The following PLA2G10 variants were observed in gnomAD, a reference collection of about 807,000 sequenced individuals.
The protein encoded by PLA2G10 is phospholipase A2 group X, also known as group 10 secretory phospholipase A2.
In PLA2G10, 9 loss-of-function variants were observed where a neutral mutation model predicts 7.9. The ratio of observed to expected loss-of-function variants is 1.14; its 90% CI spans 0.68 to 1.98. The LOEUF (loss-of-function observed/expected upper bound fraction) is 1.98. Among genes scored for constraint, PLA2G10 ranks in the 30% most tolerant of loss-of-function variants. PLA2G10 has a pLI of 0.00. For synonymous variants in PLA2G10, 19 were observed against 27.5 expected (o/e 0.69, Z 0.97); for missense variants, 53 against 65.4 (o/e 0.81, Z 0.66).
chr16:14,682,067 A>C (rs1463843168), intron 3 of PLA2G10, among the ~76,000 whole-genome samples: 1 of 151,984 alleles, frequency 6.6e-6, no homozygotes, highest in Non-Finnish European at 1.5e-5. Flanking sequence ...TCCTGGGCTC[A>C]AGCTATCCTC....
intron 3 of PLA2G10, chr16:14,678,788 A>C (rs2151850487): frequency 2.7e-6 from 1 of 374,856 alleles, no homozygotes; most frequent in South Asian, 2.1e-5. Flanking sequence ...AATGCAAATC[A>C]GGTCATGTCC....
chr16:14,679,696 C>A (rs1960834295), intron 3 of PLA2G10, among the ~76,000 whole-genome samples: 1 of 150,230 alleles, frequency 6.7e-6, no homozygotes, highest in Non-Finnish European at 1.5e-5. Context: ...AATAATAATA[C>A]AAAAATTAGC....
chr16:14,685,938 G>A (rs544250740), intron 3 of PLA2G10, among the ~76,000 whole-genome samples: 10 of 148,048 alleles, frequency 6.8e-5, no homozygotes, highest in African/African-American at 2.5e-4. Flanking sequence ...CTCCCAAAGT[G>A]TTGGGATTAC....
At chr16:14,686,269 C>A (rs1317779212) in intron 3 of PLA2G10, among the ~76,000 whole-genome samples, 1 of 151,678 alleles carries the variant, frequency 6.6e-6, no homozygotes. Context: ...TGAGCCACAG[C>A]GCCGAGCCTG....
intron 3 of PLA2G10, among the ~76,000 whole-genome samples, chr16:14,684,620 C>T (rs1449876407): frequency 6.6e-6 from 1 of 152,044 alleles, no homozygotes; most frequent in Non-Finnish European, 1.5e-5. Context: ...GAGCCACGAT[C>T]GTGCCACTGC....
chr16:14,679,676 T>A (rs185596614), intron 3 of PLA2G10, among the ~76,000 whole-genome samples: 13,509 of 141,054 alleles, frequency 0.096, 1,100 homozygotes, highest in African/African-American at 0.23. Context: ...AAAAAAAAAA[T>A]AATAATAATA....
In PLA2G10 at chr16:14,672,658, G is replaced by T. The variant is rs780511582; in HGVS notation, c.447C>A (p.Tyr149Ter). 6.2e-7 allele frequency: 1 copy of T among 1,614,004 alleles called. No homozygotes were observed. Among genetic ancestry groups the T allele is most frequent in the African/African-American group, 1.3e-5 (1 of 75,028 alleles). ...CACATAGGAACTGGGGGTAGAAGAG[G>T]TACTTTAAGTTGTACTCAGTTTGGG... ...CLAQTEYNLK[Y>*]LFYPQFLCEP... is the part of the protein sequence containing the mutation. Residue 149 changes from tyrosine (Y) to a stop codon, truncating the protein, a stop_gained, in exon 4 of 4, where the codon TAC becomes TAA. Coordinates refer to ENST00000438167, the MANE Select transcript of PLA2G10 (RefSeq NM_003561.3). LOFTEE classifies it high-confidence loss of function.
At chr16:14,680,229 T>G (rs1037744725) in intron 3 of PLA2G10, among the ~76,000 whole-genome samples, 2 of 151,392 alleles carry the variant, frequency 1.3e-5, no homozygotes, top group African/African-American at 4.9e-5. Flanking sequence ...ACCTCCCGAA[T>G]AGCTGGGATT....
chr16:14,687,138 A>C (rs565446252), intron 3 of PLA2G10, among the ~76,000 whole-genome samples: 76 of 151,844 alleles, frequency 5.0e-4, no homozygotes, highest in African/African-American at 1.8e-3. Flanking sequence ...TCAAAAAACA[A>C]ACAAACAAAA....
intron 3 of PLA2G10, among the ~76,000 whole-genome samples, chr16:14,674,823 A>G (rs991311660): frequency 1.3e-5 from 2 of 152,216 alleles, no homozygotes; most frequent in African/African-American, 4.8e-5. Context: ...GACCAACAGA[A>G]CAGAATAGAA....
In PLA2G10 at chr16:14,672,783, G is replaced by C. The variant is rs1481141077; in HGVS notation, c.356-34C>G. On this transcript the variant is annotated intron_variant, in intron 3 of 3. Coordinates refer to ENST00000438167, the MANE Select transcript of PLA2G10 (RefSeq NM_003561.3). The stretch of plus-strand genomic sequence containing the variant: ...AGTGGGGAAACTGAGATTAGAGCAG[G>C]GACCTGGAGAGACTCAAGGGAAACC... The C allele has an allele frequency of 2.5e-6, 4 of 1,608,838 alleles. No homozygotes were observed. In the African/African-American group the frequency reaches 5.3e-5, roughly 21 times the overall value.
At chr16:14,678,740 A>G in intron 3 of PLA2G10, 1 of 399,150 alleles carries the variant, frequency 2.5e-6, no homozygotes, top group Non-Finnish European at 5.0e-6. Flanking sequence ...ACTGCACTCC[A>G]GCCTGGGTGA....
intron 3 of PLA2G10, among the ~76,000 whole-genome samples, chr16:14,685,069 G>A (rs1458461276): frequency 6.6e-6 from 1 of 152,046 alleles, no homozygotes; most frequent in Non-Finnish European, 1.5e-5. Context: ...ACTGACACAT[G>A]CTATTAATAC....
intron 3 of PLA2G10, among the ~76,000 whole-genome samples, chr16:14,674,168 T>C (rs1960664104): frequency 6.7e-6 from 1 of 149,134 alleles, no homozygotes; most frequent in African/African-American, 2.5e-5. Context: ...CCTAGTAATA[T>C]ACTTGAGCAG....
chr16:14,681,624 A>G (rs1441256472), intron 3 of PLA2G10, among the ~76,000 whole-genome samples: 2 of 151,992 alleles, frequency 1.3e-5, no homozygotes, highest in African/African-American at 2.4e-5. Context: ...TTTTTTTAAT[A>G]TATTTAAGTC....
In PLA2G10 at chr16:14,679,514, G is replaced by T. The variant is rs970260805; in HGVS notation, c.356-6765C>A. Among the ~76,000 whole-genome samples, 7 of 152,090 alleles carry T rather than the reference G, an allele frequency of 4.6e-5. No individual in the cohort carries two copies. The South Asian group carries it at 8.3e-4, about 18-fold the overall frequency. On this transcript the variant is annotated intron_variant, in intron 3 of 3. Transcript: ENST00000438167. ...ATCTCTACTAAAAATACAAAAATTA[G>T]CCAGGTGTGGTGGCACATGCCTGTA... is the stretch of plus-strand genomic sequence containing the variant.
At chr16:14,687,772 A>G (rs1237477122) in intron 3 of PLA2G10, among the ~76,000 whole-genome samples, 1 of 151,800 alleles carries the variant, frequency 6.6e-6, no homozygotes, top group African/African-American at 2.4e-5. Context: ...CGAGGCGGGC[A>G]GAGCACTTGA....
intron 3 of PLA2G10, among the ~76,000 whole-genome samples, chr16:14,681,560 G>A (rs551289023): frequency 3.6e-4 from 55 of 151,916 alleles, no homozygotes; most frequent in Non-Finnish European, 6.8e-4. Flanking sequence ...AATAGCTCCC[G>A]AGGCTTAAGT....
chr16:14,673,105 C>T (rs368541264), intron 3 of PLA2G10, among the ~76,000 whole-genome samples: 2 of 150,334 alleles, frequency 1.3e-5, no homozygotes, highest in African/African-American at 2.4e-5. Flanking sequence ...CTGCAGCCTC[C>T]GCCTCCCGGG....
Sources: gnomAD v4.1 joint callset for allele counts (sites outside exome capture counted in the v4.1 genomes callset) on GRCh38, gnomAD v4.1.1 for gene constraint, MANE v1.5 for transcripts, NCBI Gene and HGNC (gene_info 2026-07-23, HGNC 2026-07-21) for gene names.